The following HM13 variants were observed in gnomAD, a reference collection of about 807,000 sequenced individuals.
HM13 encodes the protein signal peptide peptidase.
Under a neutral mutation model 50.0 loss-of-function variants are expected in HM13, and 18 were observed. The ratio of observed to expected loss-of-function variants is 0.36; its 90% CI spans 0.25 to 0.53. The LOEUF is 0.53. HM13 is among the 20% of genes least tolerant of loss of function. The probability of loss-of-function intolerance (pLI) is 0.90; values close to 1 mark genes in which losing one functional copy is unlikely to be tolerated. For synonymous variants in HM13, 197 were observed against 232.6 expected (o/e 0.85, Z 1.39); for missense variants, 393 against 552.4 (o/e 0.71, Z 2.89).
In HM13 at chr20:31,514,676, T is replaced by C; in HGVS notation, c.125T>C (p.Met42Thr). ...CTGGCCTACGGCAGCCTCCTGCTCATGGCGCTGCTGCCCATCTTCTTCGGC... is the reference window on the plus strand; with the variant it reads ...CTGGCCTACGGCAGCCTCCTGCTCACGGCGCTGCTGCCCATCTTCTTCGGC... ...IALAYGSLLL[M>T]ALLPIFFGAL... The change falls in exon 1 of 13, where the codon ATG becomes ACG. Residue 42 changes from methionine (M) to threonine (T), a missense_variant. By Grantham distance (81) the Met-to-Thr change is moderately conservative (BLOSUM62 -1). This residue lies in a region of HM13 where 214 missense variants were observed against 276.1 expected (regional missense o/e 0.77). Transcript: ENST00000398174. The surrounding 1 kb of genome is among the most constrained non-coding windows in gnomAD (Gnocchi z 4.3). The C allele has an allele frequency of 6.4e-7, 1 of 1,557,714 alleles. No individual in the cohort carries two copies. Among genetic ancestry groups the C allele is most frequent in the Non-Finnish European group, 8.7e-7 (1 of 1,151,546 alleles).
intron 10 of HM13, among the ~76,000 whole-genome samples, chr20:31,565,638 TA>T (rs1463982237): frequency 6.6e-6 from 1 of 152,102 alleles, no homozygotes; most frequent in Non-Finnish European, 1.5e-5. Context: ...GCCTGCACAG[TA>T]GATGTTCATG....
At chr20:31,545,199 G>A (rs1600647255) in intron 4 of HM13, among the ~76,000 whole-genome samples, 164 bp downstream of exon 4, 2 of 152,150 alleles carry the variant, frequency 1.3e-5, no homozygotes, top group African/African-American at 4.8e-5. Context: ...TCTAGACATG[G>A]GACCCTGGGT....
chr20:31,540,585 G>A (rs1600641712), intron 3 of HM13: 1 of 152,202 alleles, frequency 6.6e-6, no homozygotes, highest in African/African-American at 2.4e-5. Context: ...CAGCTGCCTA[G>A]GCAGGGTATT....
chr20:31,536,133 G>C (rs1192061827), intron 2 of HM13, among the ~76,000 whole-genome samples: 1 of 152,190 alleles, frequency 6.6e-6, no homozygotes, highest in South Asian at 2.1e-4. Context: ...GGAGGCCGAG[G>C]CAGTTGGATC....
chr20:31,519,865 G>A (rs1410502166), intron 1 of HM13, among the ~76,000 whole-genome samples: 2 of 126,244 alleles, frequency 1.6e-5, no homozygotes, highest in Non-Finnish European at 3.2e-5. Flanking sequence ...TTTTTTTTGA[G>A]ACAGTCTCGC....
intron 8 of HM13, 99 bp from the exon 9 acceptor site, chr20:31,559,512 C>A: frequency 1.7e-6 from 2 of 1,193,486 alleles, no homozygotes; most frequent in Non-Finnish European, 2.5e-6. Context: ...ATGATTGCTC[C>A]AAGATGGAAC....
At chr20:31,565,245 G>C (rs1302547759) in intron 10 of HM13, among the ~76,000 whole-genome samples, 1 of 151,680 alleles carries the variant, frequency 6.6e-6, no homozygotes, top group Non-Finnish European at 1.5e-5. Flanking sequence ...TTGGGAGGCC[G>C]AGGCAGGTGG....
chr20:31,529,348 C>T (rs900245884), intron 2 of HM13, among the ~76,000 whole-genome samples: 1 of 151,998 alleles, frequency 6.6e-6, no homozygotes, highest in East Asian at 1.9e-4. Flanking sequence ...TGGGCTCAAG[C>T]GATCCTCCCA....
chr20:31,547,808 T>A, intron 4 of HM13: 1 of 955,770 alleles, frequency 1.0e-6, no homozygotes. Context: ...AAAGGAGCTA[T>A]CAAATTTGTA....
intron 8 of HM13, among the ~76,000 whole-genome samples, chr20:31,556,006 C>T (rs1984295444): frequency 1.3e-5 from 2 of 150,698 alleles, no homozygotes; most frequent in African/African-American, 2.5e-5. Flanking sequence ...AATTGTGAGA[C>T]CATATATATA....
At chr20:31,538,409 T>C in intron 3 of HM13, 148 bp downstream of exon 3, 5 of 1,501,514 alleles carry the variant, frequency 3.3e-6, no homozygotes, top group Middle Eastern at 1.8e-4. Context: ...CTGCACACTG[T>C]AGATGACTAG....
intron 11 of HM13, 32 bp downstream of exon 11, chr20:31,566,327 G>A: frequency 6.4e-7 from 1 of 1,559,346 alleles, no homozygotes. Flanking sequence ...ATGTCCTCAT[G>A]GGCACCAGTG....
At chr20:31,522,433 G>A (rs532969714) in intron 1 of HM13, among the ~76,000 whole-genome samples, 49 of 152,008 alleles carry the variant, frequency 3.2e-4, no homozygotes, top group African/African-American at 1.2e-3. Context: ...GTGGTGGCAG[G>A]TGCCTATAAT....
At chr20:31,569,003 G>A (rs1031262504) in intron 12 of HM13, 117 bp from the exon 13 acceptor site, 27 of 679,608 alleles carry the variant, frequency 4.0e-5, no homozygotes, top group East Asian at 5.5e-5. Context: ...CAGGGCTGAC[G>A]CTCTGCATGT....
intron 8 of HM13, among the ~76,000 whole-genome samples, chr20:31,555,805 C>CA (rs778841196): frequency 0.02 from 2,438 of 124,432 alleles, 61 homozygotes; most frequent in African/African-American, 0.063. Flanking sequence ...CTCATCTCTA[C>CA]AAAAAAAAAA....
intron 3 of HM13, chr20:31,540,647 T>A (rs906109738): frequency 1.3e-5 from 2 of 152,162 alleles, no homozygotes; most frequent in African/African-American, 4.8e-5. Context: ...TTTAGAATAA[T>A]AACTAAGGGA....
rs1180321335 is a variant in HM13, at chr20:31,519,614, A to G, written c.183+4880A>G. Among the ~76,000 whole-genome samples the G allele has an allele frequency of 2.6e-5, 4 of 152,210 alleles. No individual in the cohort carries two copies. The East Asian group carries it at 5.8e-4, about 22-fold the overall frequency. ...TTGTTAGAAATGCACATTCTGAATCAGAAGCTCAAGGTGGGCCCAGCAATG... is the reference window on the plus strand; with the variant it reads ...TTGTTAGAAATGCACATTCTGAATCGGAAGCTCAAGGTGGGCCCAGCAATG... On this transcript the variant is annotated intron_variant, in intron 1 of 12. Transcript: ENST00000398174.
intron 1 of HM13, among the ~76,000 whole-genome samples, chr20:31,526,937 G>T (rs189987082): frequency 6.6e-6 from 1 of 152,214 alleles, no homozygotes; most frequent in African/African-American, 2.4e-5. Flanking sequence ...TCTTCTCTCA[G>T]TTATTCCATA....
chr20:31,536,219 C>T (rs1432124591), intron 2 of HM13, among the ~76,000 whole-genome samples: 2 of 152,138 alleles, frequency 1.3e-5, no homozygotes, highest in Admixed American at 6.5e-5. Flanking sequence ...CAAAATTAGC[C>T]GGGCATGGTG....
Sources: allele counts gnomAD v4.1 joint callset (sites outside exome capture counted in the v4.1 genomes callset), GRCh38; gene constraint gnomAD v4.1.1; regional missense constraint gnomAD v4.1.1; non-coding constraint Gnocchi (gnomAD v3.1); transcripts MANE v1.5; gene names NCBI Gene and HGNC (gene_info 2026-07-23, HGNC 2026-07-21).